GAPVD1: variants seen among roughly 807,000 people sequenced by gnomAD.
The protein encoded by GAPVD1 is GTPase activating protein and VPS9 domains 1.
GAPVD1 carries 35 observed loss-of-function variants against 155.5 expected under a neutral mutation model. The ratio of observed to expected loss-of-function variants is 0.23; its 90% CI spans 0.17 to 0.30. The LOEUF (loss-of-function observed/expected upper bound fraction) is 0.30. Among genes scored for constraint, GAPVD1 ranks in the 10% least tolerant of loss-of-function variants. The pLI is 1.00. For synonymous variants in GAPVD1, 636 were observed against 619.7 expected (o/e 1.03, Z -0.39); for missense variants, 1,429 against 1,775.7 (o/e 0.80, Z 3.51).
chr9:125,293,262 T>A (rs1351103369), intron 2 of GAPVD1, among the ~76,000 whole-genome samples: 1 of 152,092 alleles, frequency 6.6e-6, no homozygotes, highest in African/African-American at 2.4e-5. Context: ...AGGATATGTT[T>A]GAATCTTGGG....
At chr9:125,314,247 G>A (rs1759440) in intron 9 of GAPVD1, among the ~76,000 whole-genome samples, 145 of 152,088 alleles carry the variant, frequency 9.5e-4, no homozygotes, top group African/African-American at 3.4e-3. Context: ...TGGCTGGTCA[G>A]GAAAAAATGG....
intron 3 of GAPVD1, among the ~76,000 whole-genome samples, chr9:125,298,027 T>G (rs1346638314): frequency 6.6e-6 from 1 of 152,150 alleles, no homozygotes; most frequent in Non-Finnish European, 1.5e-5. Flanking sequence ...ATTACATGCG[T>G]GAGCCACCGC....
intron 13 of GAPVD1, among the ~76,000 whole-genome samples, chr9:125,330,934 T>C (rs751096577): frequency 5.3e-5 from 8 of 152,158 alleles, no homozygotes; most frequent in Non-Finnish European, 1.0e-4. Context: ...CTCTAAAACA[T>C]GCTTAATGTG....
chr9:125,351,254 G>A (rs1849253695), intron 23 of GAPVD1, among the ~76,000 whole-genome samples: 1 of 152,174 alleles, frequency 6.6e-6, no homozygotes, highest in African/African-American at 2.4e-5. Context: ...GGAAAGACCT[G>A]TCCCCATTGA....
rs1056658615 is a variant in GAPVD1 at position 125,270,346 on chromosome 9, T to C, written c.-150+1362T>C. Among the ~76,000 whole-genome samples, 8 of 151,938 alleles carry C rather than the reference T, an allele frequency of 5.3e-5. 1 individual carries two copies. The highest frequency in any genetic ancestry group is 4.6e-4 in the Admixed American group (7 of 15,250). The stretch of plus-strand genomic sequence containing the variant: ...TGGGAGGCTGAGGCAGGAGAATTGC[T>C]TGAACCTGGGAGGCAGAGTTTGCAG... On this transcript the variant is annotated intron_variant, in intron 2 of 27. Coordinates refer to ENST00000297933, the MANE Select transcript of GAPVD1 (RefSeq NM_001282680.3).
In GAPVD1 at chr9:125,350,824, A is replaced by T; in HGVS notation, c.3521A>T (p.Asp1174Val). The T allele has an allele frequency of 6.2e-7, 1 of 1,613,934 alleles. No individual in the cohort carries two copies. Among genetic ancestry groups the T allele is most frequent in the Non-Finnish European group, 8.5e-7 (1 of 1,179,816 alleles). The change falls in exon 23 of 28, where the codon GAT (aspartate) becomes GTT (valine). Residue 1174 changes from aspartate (D) to valine (V), a missense_variant. Coordinates refer to ENST00000297933, the MANE Select transcript of GAPVD1 (RefSeq NM_001282680.3). ...ACAATGCGCTGTGTGTGCCGTTTTG[A>T]TAATAGGACTTGTAGGAAACTGCTG... ...QETMRCVCRF[D>V]NRTCRKLLAS...
chr9:125,281,038 A>G (rs369613574), intron 2 of GAPVD1, among the ~76,000 whole-genome samples: 2 of 152,216 alleles, frequency 1.3e-5, no homozygotes, highest in Non-Finnish European at 2.9e-5. Flanking sequence ...ATTTTGTTTC[A>G]TGAAGTTTCT....
rs1272745153 is a variant in GAPVD1 at position 125,332,451 on chromosome 9, CTT to C, written c.2309-55_2309-54del. The C allele has an allele frequency of 9.4e-6, 13 of 1,381,794 alleles. No homozygotes were observed. The Admixed American group carries it at 2.5e-4, about 27-fold the overall frequency. 85.6% of individuals were successfully genotyped at this position (1,381,794 alleles called of 1,614,324 possible). The stretch of plus-strand genomic sequence containing the variant: ...TTTCAGTTTCTCCAAATTTCATATA[CTT>C]TTTGTGTGGATATTTTGTTCTTCTT... On this transcript the variant is annotated intron_variant, in intron 14 of 27. Transcript: ENST00000297933.
At chr9:125,321,354 A>T in intron 9 of GAPVD1, 79 bp from the exon 10 acceptor site, 1 of 970,086 alleles carries the variant, frequency 1.0e-6, no homozygotes, top group Non-Finnish European at 1.6e-6. Flanking sequence ...TTAAGGAGTT[A>T]AATATGCATT....
chr9:125,314,874 A>C (rs1468171366), intron 9 of GAPVD1, among the ~76,000 whole-genome samples: 3 of 141,176 alleles, frequency 2.1e-5, no homozygotes, highest in Middle Eastern at 3.8e-3. Context: ...TGCGAGGTCC[A>C]CCTCCCGGGT....
chr9:125,318,925 C>T (rs1588914449), intron 9 of GAPVD1, among the ~76,000 whole-genome samples: 1 of 152,132 alleles, frequency 6.6e-6, no homozygotes, highest in African/African-American at 2.4e-5. Flanking sequence ...CCTGTAATCC[C>T]AGAACTTTGG....
chr9:125,276,710 G>C (rs1278861182), intron 2 of GAPVD1, among the ~76,000 whole-genome samples: 1 of 152,094 alleles, frequency 6.6e-6, no homozygotes, highest in African/African-American at 2.4e-5. Flanking sequence ...AGAAATTTCA[G>C]ATATGCTCAT....
chr9:125,355,994 C>A, intron 25 of GAPVD1, 137 bp downstream of exon 25: 1 of 629,312 alleles, frequency 1.6e-6, no homozygotes, highest in Non-Finnish European at 2.9e-6. Context: ...TTTCACCTGT[C>A]AGAGTTACAT....
chr9:125,309,870 A>ATGT (rs1842403591), intron 8 of GAPVD1: 1 of 392,924 alleles, frequency 2.5e-6, no homozygotes. Flanking sequence ...GTATCTTAAC[A>ATGT]AATCTGTCCA....
intron 8 of GAPVD1, chr9:125,308,118 C>G (rs1275016688): frequency 3.6e-6 from 2 of 558,242 alleles, no homozygotes; most frequent in African/African-American, 1.9e-5. Context: ...CCACAGTATA[C>G]TTTCTTTAAA....
chr9:125,276,647 C>T (rs1835839398), intron 2 of GAPVD1, among the ~76,000 whole-genome samples: 1 of 152,166 alleles, frequency 6.6e-6, no homozygotes, highest in Non-Finnish European at 1.5e-5. Context: ...CGAGAGTGCA[C>T]CATTGCACTC....
At chr9:125,262,425 T>C (rs1833079637) in intron 1 of GAPVD1, among the ~76,000 whole-genome samples, 1 of 152,198 alleles carries the variant, frequency 6.6e-6, no homozygotes, top group South Asian at 2.1e-4. Flanking sequence ...AGACACTCAC[T>C]GTACTTGGCA....
At chr9:125,335,715 G>T (rs1223680297) in intron 15 of GAPVD1, among the ~76,000 whole-genome samples, 1 of 151,962 alleles carries the variant, frequency 6.6e-6, no homozygotes, top group Non-Finnish European at 1.5e-5. Context: ...ACCAGAGTAG[G>T]TTCAGAGAGA....
intron 10 of GAPVD1, among the ~76,000 whole-genome samples, chr9:125,322,931 T>C (rs1420529347): frequency 2.6e-5 from 4 of 151,572 alleles, no homozygotes; most frequent in Non-Finnish European, 4.4e-5. Flanking sequence ...CGTGTGCCTG[T>C]AGTCCCAGCT....
Sources: allele counts gnomAD v4.1 joint callset (sites outside exome capture counted in the v4.1 genomes callset), GRCh38; gene constraint gnomAD v4.1.1; transcripts MANE v1.5; gene names NCBI Gene and HGNC (gene_info 2026-07-23, HGNC 2026-07-21).